The following ABCC3 variants were observed in gnomAD, a reference collection of about 807,000 sequenced individuals.
The protein encoded by ABCC3 is ATP binding cassette subfamily C member 3, also known as ATP-binding cassette sub-family C member 3.
ABCC3 carries 121 observed loss-of-function variants against 165.3 expected under a neutral mutation model. The ratio of observed to expected loss-of-function variants is 0.73; its 90% CI spans 0.63 to 0.85. The LOEUF is 0.85. Ranked by LOEUF, ABCC3 falls within the 40% of genes least tolerant of loss-of-function variation. The probability of loss-of-function intolerance (pLI) is 0.00; values close to 1 mark genes in which losing one functional copy is unlikely to be tolerated. For missense variants in ABCC3, 1,869 were observed against 1,964.1 expected (o/e 0.95, Z 0.92); for synonymous variants, 733 against 810.1 (o/e 0.90, Z 1.62).
chr17:50,678,550 T>C (rs1967873113), intron 25 of ABCC3, among the ~76,000 whole-genome samples: 2 of 152,138 alleles, frequency 1.3e-5, no homozygotes, highest in South Asian at 4.1e-4. Flanking sequence ...ACAGTTCAAC[T>C]GGAGAGACCC....
rs373515877 is a variant in ABCC3, at chr17:50,669,158, G to A, written c.1956G>A (p.Pro652=). ...PTLHSLDIQV[P]KGALVAVVGP... Reference sequence around the variant, plus strand: ...CCCCCAGCCTAGACATCCAGGTCCCGAAAGGGGCACTGGTGGCCGTGGTGG... The same window carrying A: ...CCCCCAGCCTAGACATCCAGGTCCCAAAAGGGGCACTGGTGGCCGTGGTGG... Residue 652 remains proline, a synonymous_variant, in exon 16 of 31, where the codon CCG becomes CCA. Transcript: ENST00000285238. 3.6e-5 allele frequency: 58 copies of A among 1,600,018 alleles called. No homozygotes were observed. The South Asian group carries it at 5.0e-4, about 14-fold the overall frequency.
At chr17:50,666,233 A>G (rs1967524975) in intron 11 of ABCC3, among the ~76,000 whole-genome samples, 1 of 152,056 alleles carries the variant, frequency 6.6e-6, no homozygotes, top group African/African-American at 2.4e-5. Context: ...GAGCTTTGGG[A>G]GGCCGAGGCA....
chr17:50,689,825 C>A (rs1408422466), intron 30 of ABCC3, among the ~76,000 whole-genome samples: 1 of 152,172 alleles, frequency 6.6e-6, no homozygotes. Context: ...AGGACCTGTT[C>A]CCAGGCCTAA....
chr17:50,655,805 G>A, intron 1 of ABCC3, 27 bp from the exon 2 acceptor site: 4 of 1,610,474 alleles, frequency 2.5e-6, no homozygotes, highest in Non-Finnish European at 3.4e-6. Context: ...GGCTGCCACA[G>A]CACTAAACTG....
intron 1 of ABCC3, among the ~76,000 whole-genome samples, chr17:50,640,549 C>T (rs976498863): frequency 2.6e-5 from 4 of 152,176 alleles, no homozygotes; most frequent in South Asian, 2.1e-4. Flanking sequence ...GAAGGAGTCT[C>T]GCTCTGCCAC....
intron 1 of ABCC3, among the ~76,000 whole-genome samples, chr17:50,643,374 A>AACTACTGAATACTGAATAGG (rs1966926255): frequency 6.6e-6 from 1 of 152,252 alleles, no homozygotes; most frequent in Non-Finnish European, 1.5e-5. Flanking sequence ...TTGTTTGAGC[A>AACTACTGAATACTGAATAGG]ACTACTGAAT....
rs776243043 is a variant in ABCC3, at chr17:50,656,712, T to C, written c.233T>C (p.Val78Ala). The change falls in exon 3 of 31, where the codon GTC becomes GCC. Residue 78 changes from valine (V) to alanine (A), a missense_variant. Val to Ala is a moderately conservative substitution (Grantham distance 64). Transcript: ENST00000285238. Reference protein sequence around the residue: ...HLSKLKMVLGVLLWCVSWADL... With the variant: ...HLSKLKMVLGALLWCVSWADL... Reference sequence around the variant, plus strand: ...GTGCTCTCTTCGCAGGTCCTGGGTGTCCTGCTGTGGTGCGTCTCCTGGGCG... The same window carrying C: ...GTGCTCTCTTCGCAGGTCCTGGGTGCCCTGCTGTGGTGCGTCTCCTGGGCG... 6.2e-7 allele frequency: 1 copy of C among 1,612,970 alleles called. No homozygotes were observed.
intron 6 of ABCC3, 115 bp downstream of exon 6, chr17:50,658,611 C>G: frequency 8.7e-7 from 1 of 1,149,900 alleles, no homozygotes; most frequent in African/African-American, 1.5e-5. Context: ...ATCCCACCCC[C>G]CACCGCAGTG....
intron 19 of ABCC3, chr17:50,674,449 T>G (rs547495700): frequency 1.4e-4 from 22 of 152,344 alleles, no homozygotes; most frequent in African/African-American, 5.3e-4. Flanking sequence ...ATAAATAGTT[T>G]GGCAAGTATG....
chr17:50,677,633 G>A, intron 23 of ABCC3, 111 bp from the exon 24 acceptor site: 1 of 1,068,180 alleles, frequency 9.4e-7, no homozygotes, highest in South Asian at 1.5e-5. Flanking sequence ...TCTCGTGGTG[G>A]GAGTGAGGCT....
chr17:50,683,737 A>C lies in ABCC3; in HGVS notation c.3935A>C (p.His1312Pro). ...LDLVLRDLSL[H>P]VHGGEKVGIV... The stretch of plus-strand genomic sequence containing the variant: ...CTGGTGCTGAGAGACCTGAGTCTGC[A>C]TGTGCACGGTGGCGAGAAGGTACGC... Residue 1312 changes from histidine (H) to proline (P), a missense_variant, in exon 27 of 31, where the codon CAT (histidine) becomes CCT (proline). His to Pro is a moderately conservative substitution (Grantham distance 77). Coordinates refer to ENST00000285238, the MANE Select transcript of ABCC3 (RefSeq NM_003786.4). The C allele has an allele frequency of 6.2e-7, 1 of 1,606,820 alleles. No individual in the cohort carries two copies. The highest frequency in any genetic ancestry group is 8.5e-7 in the Non-Finnish European group (1 of 1,177,386).
rs115589558 is a variant in ABCC3, at chr17:50,648,478, A to G, written c.46-7354A>G. Among the ~76,000 whole-genome samples the G allele has an allele frequency of 8.4e-3, 1,286 of 152,332 alleles. 15 individuals are homozygous for G. The highest frequency in any genetic ancestry group is 0.03 in the African/African-American group (1,229 of 41,572). On this transcript the variant is annotated intron_variant, in intron 1 of 30. Transcript: ENST00000285238. ...AGCAGTTTATTCTGTGGAATTAAGTAAAAGTCTGCATACTGAAGGATAGAA... is the reference window on the plus strand; with the variant it reads ...AGCAGTTTATTCTGTGGAATTAAGTGAAAGTCTGCATACTGAAGGATAGAA...
chr17:50,656,467 A>C (rs1358534482), intron 2 of ABCC3, among the ~76,000 whole-genome samples: 2 of 152,190 alleles, frequency 1.3e-5, no homozygotes, highest in Non-Finnish European at 2.9e-5. Flanking sequence ...TGGGAATCTG[A>C]CAACTGAGAA....
intron 23 of ABCC3, 100 bp from the exon 24 acceptor site, chr17:50,677,643 TG>T: frequency 8.3e-7 from 1 of 1,208,782 alleles, no homozygotes; most frequent in Non-Finnish European, 1.2e-6. Context: ...GGAGTGAGGC[TG>T]GCTGGGAGGA....
intron 4 of ABCC3, 124 bp downstream of exon 4, chr17:50,657,307 T>G: frequency 7.6e-7 from 1 of 1,308,778 alleles, no homozygotes; most frequent in Non-Finnish European, 1.1e-6. Flanking sequence ...CACAATTGTG[T>G]TGTTCTCCAC....
chr17:50,685,826 T>TCTC (rs1167500284), intron 29 of ABCC3, among the ~76,000 whole-genome samples: 4 of 151,984 alleles, frequency 2.6e-5, no homozygotes, highest in Admixed American at 6.6e-5. Context: ...CCCTCCATCT[T>TCTC]CTCCTCCTCC....
chr17:50,659,424 G>A (rs1967330803), intron 7 of ABCC3, 56 bp downstream of exon 7: 1 of 1,560,334 alleles, frequency 6.4e-7, no homozygotes, highest in Admixed American at 1.8e-5. Context: ...CAGATCTCCT[G>A]CAGAGGACGC....
In ABCC3 at chr17:50,687,671, T is replaced by C; in HGVS notation, c.4416T>C (p.Phe1472=). The change falls in exon 30 of 31, where the codon TTT becomes TTC. Residue 1472 remains phenylalanine, a synonymous_variant. Coordinates refer to ENST00000285238, the MANE Select transcript of ABCC3 (RefSeq NM_003786.4). ...TCCAGGCTACCATCCGCACCCAGTT[T>C]GATACCTGCACTGTCCTGACCATCG... is the stretch of plus-strand genomic sequence containing the variant. ...NLIQATIRTQ[F]DTCTVLTIAH... 1 of 1,614,250 alleles carries C rather than the reference T, an allele frequency of 6.2e-7. No individual in the cohort carries two copies. Among genetic ancestry groups the C allele is most frequent in the Non-Finnish European group, 8.5e-7 (1 of 1,180,044 alleles).
intron 27 of ABCC3, 60 bp downstream of exon 27, chr17:50,683,816 C>G (rs531097227): frequency 1.3e-6 from 2 of 1,569,644 alleles, no homozygotes; most frequent in African/African-American, 1.4e-5. Context: ...GGCCACAGCC[C>G]TTGTGGGGAG....
Sources: allele counts gnomAD v4.1 joint callset (sites outside exome capture counted in the v4.1 genomes callset), GRCh38; gene constraint gnomAD v4.1.1; transcripts MANE v1.5; gene names NCBI Gene and HGNC (gene_info 2026-07-23, HGNC 2026-07-21).